Variants in HIVEP3 observed in about 807,000 individuals in gnomAD.
HIVEP3 encodes transcription factor HIVEP3.
A neutral mutation model predicts 152.8 loss-of-function variants in HIVEP3; 49 were observed. The ratio of observed to expected loss-of-function variants is 0.32; its 90% CI spans 0.26 to 0.41. The LOEUF is 0.41. HIVEP3 is among the 10% of genes least tolerant of loss of function. HIVEP3 has a pLI of 1.00. For missense variants in HIVEP3, 2,790 were observed against 3,103.3 expected (o/e 0.90, Z 2.40); for synonymous variants, 1,269 against 1,289.0 (o/e 0.98, Z 0.33).
intron 5 of HIVEP3, among the ~76,000 whole-genome samples, chr1:41,564,472 A>C (rs543001264): frequency 6.6e-6 from 1 of 152,248 alleles, no homozygotes; most frequent in African/African-American, 2.4e-5. Flanking sequence ...GAGTGAGAAA[A>C]CTGACCCACA....
intron 1 of HIVEP3, among the ~76,000 whole-genome samples, chr1:41,894,219 C>G (rs1644494701): frequency 6.6e-6 from 1 of 152,144 alleles, no homozygotes; most frequent in Non-Finnish European, 1.5e-5. Context: ...TCCTAATCAC[C>G]CTATGCTGTA....
intron 5 of HIVEP3, chr1:41,544,380 G>A (rs564988468): frequency 6.6e-5 from 10 of 152,048 alleles, no homozygotes; most frequent in African/African-American, 2.4e-4. Flanking sequence ...CTTGCCTGAG[G>A]TCACACAACC....
Position 41,507,549 on chromosome 1 carries a change from C to G in HIVEP3, c.*2902G>C, listed in dbSNP as rs1644395914. On this transcript the variant is annotated 3_prime_UTR_variant, in exon 9 of 9. Coordinates refer to ENST00000372583, the MANE Select transcript of HIVEP3 (RefSeq NM_024503.5). ...ACCCAAGGACCAGGACTAGTCTGTA[C>G]CGAGGAATGGCCACCCCGCGCATTT... 1 of 152,286 alleles carries G rather than the reference C, an allele frequency of 6.6e-6. No individual in the cohort carries two copies. The highest frequency in any genetic ancestry group is 1.5e-5 in the Non-Finnish European group (1 of 68,116). The allele number at this position is 152,286 out of a possible 1,614,324, so 9.4% of individuals were successfully genotyped here.
intron 1 of HIVEP3, among the ~76,000 whole-genome samples, chr1:41,806,611 G>A (rs1056216576): frequency 4.6e-5 from 7 of 152,226 alleles, no homozygotes; most frequent in Admixed American, 6.5e-5. Flanking sequence ...GGCACATGGC[G>A]AGGGCCAGCG....
At chr1:41,518,649 C>T (rs1642676393) in intron 6 of HIVEP3, among the ~76,000 whole-genome samples, 161 bp from the exon 7 acceptor site, 1 of 152,200 alleles carries the variant, frequency 6.6e-6, no homozygotes, top group African/African-American at 2.4e-5. Flanking sequence ...ATCCCTCTGC[C>T]CCGGTGCTCA....
At chr1:41,622,524 C>T (rs1463024537) in intron 3 of HIVEP3, among the ~76,000 whole-genome samples, 1 of 152,200 alleles carries the variant, frequency 6.6e-6, no homozygotes, top group Admixed American at 6.5e-5. Flanking sequence ...TAAAATTTTA[C>T]TGGAACACAA....
intron 5 of HIVEP3, among the ~76,000 whole-genome samples, chr1:41,526,093 G>C (rs1217077540): frequency 6.6e-6 from 1 of 152,000 alleles, no homozygotes; most frequent in Non-Finnish European, 1.5e-5. Context: ...GGGACAGCGT[G>C]TCGGGGCGGG....
At chr1:41,827,731 A>G (rs1642844230) in intron 1 of HIVEP3, among the ~76,000 whole-genome samples, 1 of 152,234 alleles carries the variant, frequency 6.6e-6, no homozygotes, top group South Asian at 2.1e-4. Flanking sequence ...GAACCACATC[A>G]TAGTGAAGAA....
chr1:41,954,134 A>G (rs571101000), intron 1 of HIVEP3, among the ~76,000 whole-genome samples: 1 of 152,334 alleles, frequency 6.6e-6, no homozygotes, highest in South Asian at 2.1e-4. Context: ...TGCACCAGGC[A>G]TCCTATGCAG....
At chr1:41,666,380 T>C (rs547743894) in intron 2 of HIVEP3, among the ~76,000 whole-genome samples, 1 of 152,314 alleles carries the variant, frequency 6.6e-6, no homozygotes, top group South Asian at 2.1e-4. Flanking sequence ...TGGAGCCACA[T>C]AGACCTGGGT....
At chr1:41,657,425 C>T (rs745737917) in intron 2 of HIVEP3, among the ~76,000 whole-genome samples, 2 of 152,154 alleles carry the variant, frequency 1.3e-5, no homozygotes, top group Non-Finnish European at 1.5e-5. Flanking sequence ...AGGAAGATGG[C>T]GGAGCTGGTA....
intron 5 of HIVEP3, among the ~76,000 whole-genome samples, chr1:41,545,336 T>C (rs1164397415): frequency 1.6e-3 from 56 of 34,566 alleles, no homozygotes; most frequent in Non-Finnish European, 2.0e-3. Flanking sequence ...CCATCACCAC[T>C]ATCACCACCA....
rs568410921 is a variant in HIVEP3, at chr1:41,708,883, T to C, written c.-800-7888A>G. On this transcript the variant is annotated intron_variant, in intron 1 of 8. Transcript: ENST00000372583. ...TCTCTGCTGTTGGAGGCTGCTTTTA[T>C]TGGGGTGAGCTCAGAACTGAATGAA... 1.1e-4 allele frequency among the ~76,000 whole-genome samples: 16 copies of C among 152,300 alleles called. No individual in the cohort carries two copies. In the East Asian group the frequency reaches 3.1e-3, roughly 29 times the overall value.
chr1:41,758,229 A>T (rs1283786418), intron 1 of HIVEP3, among the ~76,000 whole-genome samples: 1 of 152,050 alleles, frequency 6.6e-6, no homozygotes, highest in Non-Finnish European at 1.5e-5. Context: ...GGTGTGAGGG[A>T]CACTATGTCT....
At chr1:41,606,355 T>C (rs1644822251) in intron 3 of HIVEP3, among the ~76,000 whole-genome samples, 1 of 152,032 alleles carries the variant, frequency 6.6e-6, no homozygotes, top group Admixed American at 6.5e-5. Context: ...CCTTCCCTCC[T>C]GCCCACCTTC....
chr1:41,606,965 A>G (rs1644830422), intron 3 of HIVEP3, among the ~76,000 whole-genome samples: 1 of 151,778 alleles, frequency 6.6e-6, no homozygotes, highest in Non-Finnish European at 1.5e-5. Context: ...TCTAGTTTAA[A>G]ATCTGTGTGT....
At chr1:41,579,510 T>C (rs547329412) in intron 4 of HIVEP3, among the ~76,000 whole-genome samples, 1 of 152,368 alleles carries the variant, frequency 6.6e-6, no homozygotes, top group East Asian at 1.9e-4. Flanking sequence ...ACTTTATGGC[T>C]AACTTTATTG....
At chr1:41,940,832 C>A (rs1274932818) in intron 1 of HIVEP3, among the ~76,000 whole-genome samples, 1 of 149,292 alleles carries the variant, frequency 6.7e-6, no homozygotes, top group African/African-American at 2.5e-5. Context: ...AAGAGAGAAG[C>A]TGGTAAAGAC....
At chr1:41,597,973 T>C (rs774789924) in intron 3 of HIVEP3, among the ~76,000 whole-genome samples, 1 of 152,176 alleles carries the variant, frequency 6.6e-6, no homozygotes, top group Non-Finnish European at 1.5e-5. Flanking sequence ...CCTACCTATC[T>C]CATTGTTTAT....
Sources: allele counts gnomAD v4.1 joint callset (sites outside exome capture counted in the v4.1 genomes callset), GRCh38; gene constraint gnomAD v4.1.1; transcripts MANE v1.5; gene names NCBI Gene and HGNC (gene_info 2026-07-23, HGNC 2026-07-21).